The following DNAJC1 variants were observed in gnomAD, a reference collection of about 807,000 sequenced individuals.
DNAJC1 encodes the protein DnaJ heat shock protein family (Hsp40) member C1, also known as dnaJ homolog subfamily C member 1.
DNAJC1 carries 58 observed loss-of-function variants against 76.6 expected under a neutral mutation model. The ratio of observed to expected loss-of-function variants is 0.76; its 90% confidence interval spans 0.61 to 0.94. DNAJC1 has a LOEUF of 0.94. Among genes scored for constraint, DNAJC1 ranks in the 40% least tolerant of loss-of-function variants. The probability of loss-of-function intolerance (pLI) is 0.00; values close to 1 mark genes in which losing one functional copy is unlikely to be tolerated. For synonymous variants in DNAJC1, 258 were observed against 267.9 expected (o/e 0.96, Z 0.36); for missense variants, 689 against 677.3 (o/e 1.02, Z -0.19).
chr10:21,894,900 G>A (rs959065911), intron 7 of DNAJC1, among the ~76,000 whole-genome samples: 2 of 152,172 alleles, frequency 1.3e-5, no homozygotes, highest in African/African-American at 2.4e-5. Flanking sequence ...CAGCAACAAG[G>A]TGCCATCTTG....
chr10:22,003,151 C>G, intron 1 of DNAJC1, 62 bp downstream of exon 1: 4 of 1,405,640 alleles, frequency 2.8e-6, no homozygotes, highest in Non-Finnish European at 2.8e-6. Flanking sequence ...CTCTGAGGAA[C>G]CGGGTCGCCT....
intron 1 of DNAJC1, among the ~76,000 whole-genome samples, chr10:21,940,474 G>A (rs922103838): frequency 1.3e-5 from 2 of 152,130 alleles, no homozygotes; most frequent in African/African-American, 4.8e-5. Context: ...TTGCTGATAA[G>A]AGAACATTTA....
intron 8 of DNAJC1, among the ~76,000 whole-genome samples, chr10:21,815,744 T>A (rs978642854): frequency 3.3e-5 from 5 of 151,672 alleles, no homozygotes; most frequent in Admixed American, 2.6e-4. Context: ...GAGGTCAAGG[T>A]TCATTTTCTT....
At chr10:21,816,273 T>C (rs973368034) in intron 8 of DNAJC1, among the ~76,000 whole-genome samples, 3 of 151,864 alleles carry the variant, frequency 2.0e-5, no homozygotes, top group South Asian at 2.1e-4. Flanking sequence ...GGCAGGAGAA[T>C]TGCTGGAACC....
chr10:21,897,950 A>G (rs1049584885), intron 7 of DNAJC1, among the ~76,000 whole-genome samples: 1 of 152,262 alleles, frequency 6.6e-6, no homozygotes. Flanking sequence ...GTCAGATGAC[A>G]TAACTGTCTA....
intron 1 of DNAJC1, among the ~76,000 whole-genome samples, chr10:21,977,259 A>AAC (rs908802350): frequency 2.7e-4 from 41 of 151,826 alleles, no homozygotes; most frequent in Middle Eastern, 3.4e-3. Context: ...AAATGAAAAA[A>AAC]ACACACACAC....
chr10:21,880,406 A>G (rs1836255021), intron 8 of DNAJC1, among the ~76,000 whole-genome samples: 1 of 152,208 alleles, frequency 6.6e-6, no homozygotes, highest in Non-Finnish European at 1.5e-5. Context: ...GCCCAGATCC[A>G]TCAGAGGAAT....
chr10:21,831,500 A>T (rs1022521389), intron 8 of DNAJC1, among the ~76,000 whole-genome samples: 5 of 152,158 alleles, frequency 3.3e-5, no homozygotes, highest in Admixed American at 2.6e-4. Flanking sequence ...TGTTCTTAAT[A>T]CTTAATCTGG....
In DNAJC1 at chr10:22,001,000, C is replaced by G. The variant is rs935001678; in HGVS notation, c.222+2213G>C. ...ACATGGCTTACTCCCTAACTTCTCTCAGAGGCCTGCTCTGACCATATAACA... is the reference window on the plus strand; with the variant it reads ...ACATGGCTTACTCCCTAACTTCTCTGAGAGGCCTGCTCTGACCATATAACA... On this transcript the variant is annotated intron_variant, in intron 1 of 11. Coordinates refer to ENST00000376980, the MANE Select transcript of DNAJC1 (RefSeq NM_022365.4). Among the ~76,000 whole-genome samples, 49 of 152,240 alleles carry G rather than the reference C, an allele frequency of 3.2e-4. 1 individual carries two copies. Among genetic ancestry groups the G allele is most frequent in the Admixed American group, 1.3e-4 (2 of 15,290 alleles).
intron 1 of DNAJC1, among the ~76,000 whole-genome samples, chr10:21,949,424 T>C (rs1398912621): frequency 8.1e-6 from 1 of 123,118 alleles, no homozygotes; most frequent in Non-Finnish European, 1.7e-5. Context: ...TTTTTTTTTT[T>C]TTTTTTTTGA....
Position 21,806,032 on chromosome 10 carries a change from G to C in DNAJC1, c.1046C>G (p.Thr349Ser). The stretch of plus-strand genomic sequence containing the variant: ...GGCAATCTTTTCCCATCGACCTGGA[G>C]TCCCTCCTGGGAACTTAACCATACT... Reference protein sequence around the residue: ...TRSMVKFPGGTPGRWEKIAHE... With the variant: ...TRSMVKFPGGSPGRWEKIAHE... Residue 349 changes from threonine (T) to serine (S), a missense_variant, in exon 9 of 12, where the codon ACT becomes AGT. Coordinates refer to ENST00000376980, the MANE Select transcript of DNAJC1 (RefSeq NM_022365.4). 1.2e-6 allele frequency: 2 copies of C among 1,611,942 alleles called. No homozygotes were observed. The highest frequency in any genetic ancestry group is 1.7e-6 in the Non-Finnish European group (2 of 1,179,714).
At chr10:21,838,944 A>T (rs918656828) in intron 8 of DNAJC1, among the ~76,000 whole-genome samples, 5 of 152,168 alleles carry the variant, frequency 3.3e-5, no homozygotes, top group Non-Finnish European at 7.3e-5. Flanking sequence ...GGATTAAGAA[A>T]CTCACTCAAA....
chr10:21,778,744 G>A (rs1180312578), intron 9 of DNAJC1, among the ~76,000 whole-genome samples: 1 of 152,070 alleles, frequency 6.6e-6, no homozygotes, highest in Non-Finnish European at 1.5e-5. Flanking sequence ...GTCAGACAGT[G>A]GGTGCAGGAC....
At chr10:21,929,181 T>C (rs1419746066) in intron 1 of DNAJC1, 40 bp from the exon 2 acceptor site, 1 of 1,439,326 alleles carries the variant, frequency 6.9e-7, no homozygotes, top group East Asian at 2.3e-5. Flanking sequence ...AAAGCAAACT[T>C]TGTCAGAAAA....
chr10:21,903,403 C>CATT (rs2131743760), intron 7 of DNAJC1, among the ~76,000 whole-genome samples: 1 of 152,148 alleles, frequency 6.6e-6, no homozygotes, highest in East Asian at 1.9e-4. Flanking sequence ...AATCCTCTAT[C>CATT]ATTCTTACTC....
chr10:21,838,681 G>A (rs545536638), intron 8 of DNAJC1, among the ~76,000 whole-genome samples: 6 of 151,870 alleles, frequency 4.0e-5, no homozygotes, highest in Admixed American at 3.3e-4. Context: ...GTCAACATTA[G>A]ACAGATCAAC....
At chr10:21,963,989 TC>T in intron 1 of DNAJC1, among the ~76,000 whole-genome samples, 1 of 152,322 alleles carries the variant, frequency 6.6e-6, no homozygotes, top group South Asian at 2.1e-4. Flanking sequence ...CCACCCCTAC[TC>T]CCCACACATT....
At chr10:21,868,026 A>T (rs2131705591) in intron 8 of DNAJC1, among the ~76,000 whole-genome samples, 1 of 134,882 alleles carries the variant, frequency 7.4e-6, no homozygotes, top group South Asian at 2.7e-4. Flanking sequence ...TGAGCTGAGA[A>T]GATCGCGCCA....
At chr10:21,767,347 C>T (rs1175357408) in intron 9 of DNAJC1, among the ~76,000 whole-genome samples, 2 of 152,196 alleles carry the variant, frequency 1.3e-5, no homozygotes, top group Non-Finnish European at 2.9e-5. Flanking sequence ...TATTCTATAG[C>T]TTGCTCTTTC....
Sources: allele counts gnomAD v4.1 joint callset (sites outside exome capture counted in the v4.1 genomes callset), GRCh38; gene constraint gnomAD v4.1.1; transcripts MANE v1.5; gene names NCBI Gene and HGNC (gene_info 2026-07-23, HGNC 2026-07-21).